The following MROH1 variants were observed in gnomAD, a reference collection of about 807,000 sequenced individuals.
MROH1 encodes maestro heat-like repeat-containing protein family member 1.
In MROH1, 117 loss-of-function variants were observed where a neutral mutation model predicts 116.5. That is an observed-to-expected ratio of 1.00 (90% CI 0.86 to 1.17). The LOEUF is 1.17. Among genes scored for constraint, MROH1 ranks in the 50% most tolerant of loss-of-function variants. The pLI, the probability that MROH1 is intolerant of heterozygous loss-of-function variation, is 0.00. For synonymous variants in MROH1, 921 were observed against 583.9 expected (o/e 1.58, Z -8.32); for missense variants, 1,873 against 1,338.5 (o/e 1.40, Z -6.23).
In MROH1 at chr8:144,195,230, C is replaced by T. The variant is rs1440515850; in HGVS notation, c.948+2829C>T. 9.2e-5 allele frequency among the ~76,000 whole-genome samples: 5 copies of T among 54,132 alleles called. No homozygotes were observed. In the South Asian group the frequency reaches 3.2e-3, roughly 35 times the overall value. The allele number at this position is 54,132 out of a possible 152,430, so 35.5% of individuals were successfully genotyped here. ...AAAAAAAAAAAAAAAGGCCGAGTGC[C>T]ATGGCTCATGCCTGTAATCCCAGCA... On this transcript the variant is annotated intron_variant, in intron 10 of 43. Transcript: ENST00000326134.
At position 144,240,600 on chromosome 8, in the gene MROH1, GAC is replaced by G. The variant is rs1156986931; in HGVS notation, c.1860_1861del (p.Asp620GlufsTer20). The part of the protein sequence containing the change: ...FLRDTLAIIS[D>X]NAWICQLSLE... The stretch of plus-strand genomic sequence containing the variant: ...GCGAGACACCCTGGCCATCATTTCT[GAC>G]AACGCGTGGATCTGCCAGCTGAGCC... On this transcript the variant is annotated frameshift_variant, in exon 20 of 44. Transcript: ENST00000326134. LOFTEE classifies it high-confidence loss of function. 1.4e-6 allele frequency: 1 copy of G among 717,366 alleles called. No individual in the cohort carries two copies. Among genetic ancestry groups the G allele is most frequent in the African/African-American group, 1.7e-5 (1 of 57,248 alleles). The allele number at this position is 717,366 out of a possible 1,614,324, so 44.4% of individuals were successfully genotyped here. A position where few individuals can be genotyped will look rare whatever the true frequency, so the allele number is the denominator to read the frequency against.
In MROH1 at chr8:144,260,847, G is replaced by C. The variant is rs1466756607; in HGVS notation, c.4536+15G>C. 1.3e-6 allele frequency: 1 copy of C among 777,764 alleles called. No individual in the cohort carries two copies. Among genetic ancestry groups the C allele is most frequent in the Non-Finnish European group, 2.4e-6 (1 of 417,740 alleles). The allele number at this position is 777,764 out of a possible 1,614,324, so 48.2% of individuals were successfully genotyped here. On this transcript the variant is annotated intron_variant, in intron 40 of 43. Transcript: ENST00000326134. ...CCGTGGCCAGCGTGAGTAGCCAGGG[G>C]GTGAGTGGGATGGGGTGGGTGGCCT...
intron 12 of MROH1, among the ~76,000 whole-genome samples, chr8:144,218,969 G>C (rs1446295560): frequency 2.1e-5 from 3 of 140,076 alleles, no homozygotes; most frequent in African/African-American, 8.2e-5. Context: ...CAAGTAGCTG[G>C]GACTATAGGT....
At chr8:144,255,758 G>A (rs1207015631) in intron 35 of MROH1, 53 bp downstream of exon 35, 4 of 708,174 alleles carry the variant, frequency 5.6e-6, no homozygotes, top group Admixed American at 2.0e-5. Context: ...GCACAGGCAT[G>A]CGTGTGCACG....
chr8:144,176,002 T>TC (rs1823810164), intron 4 of MROH1, among the ~76,000 whole-genome samples: 1 of 151,750 alleles, frequency 6.6e-6, no homozygotes. Context: ...TGAGCCGAGA[T>TC]CATAACACTG....
chr8:144,184,344 C>T (rs1021856988), intron 7 of MROH1, among the ~76,000 whole-genome samples: 3 of 152,144 alleles, frequency 2.0e-5, no homozygotes, highest in Non-Finnish European at 4.4e-5. Context: ...GGTCTCGGCT[C>T]TGGTGTGGGG....
rs1467302116 is a variant in MROH1, at chr8:144,163,192, G to A, written c.-56-579G>A. Among the ~76,000 whole-genome samples the A allele has an allele frequency of 2.6e-5, 4 of 152,190 alleles. No individual in the cohort carries two copies. The highest frequency in any genetic ancestry group is 9.7e-5 in the African/African-American group (4 of 41,434). On this transcript the variant is annotated intron_variant, in intron 2 of 43. Transcript: ENST00000326134. The surrounding 1 kb of genome is among the most constrained non-coding windows in gnomAD (Gnocchi z 4.4). ...CAAGGGAATTAAGGGGCTGGTGGGA[G>A]ACTCAGAGAACAGAGAATGTGAGTG...
intron 14 of MROH1, among the ~76,000 whole-genome samples, chr8:144,238,432 T>A (rs1840410060): frequency 6.6e-6 from 1 of 152,174 alleles, no homozygotes; most frequent in African/African-American, 2.4e-5. Flanking sequence ...AACCAGGTTT[T>A]CTGACATGGG....
At chr8:144,253,966 G>A (rs1043618450) in intron 33 of MROH1, among the ~76,000 whole-genome samples, 5 of 152,012 alleles carry the variant, frequency 3.3e-5, no homozygotes, top group Admixed American at 2.0e-4. Flanking sequence ...TCTGCCAGGC[G>A]GCTTCAGGGC....
In MROH1 at chr8:144,239,661, G is replaced by T; in HGVS notation, c.1680G>T (p.Ala560=). ...PYLGDGRGAA[A]LRLLSVLHPN... is the part of the protein sequence containing the mutation. Reference sequence around the variant, plus strand: ...TAGGGGACGGACGTGGGGCAGCGGCGCTGCGCCTCCTCAGTGTTCTGCACC... The same window carrying T: ...TAGGGGACGGACGTGGGGCAGCGGCTCTGCGCCTCCTCAGTGTTCTGCACC... Residue 560 remains alanine, a synonymous_variant, in exon 18 of 44, where the codon GCG becomes GCT. Transcript: ENST00000326134. The T allele has an allele frequency of 1.3e-6, 1 of 764,394 alleles. No individual in the cohort carries two copies. The highest frequency in any genetic ancestry group is 1.4e-5 in the South Asian group (1 of 71,816). The allele number at this position is 764,394 out of a possible 1,614,324, so 47.4% of individuals were successfully genotyped here. A position where few individuals can be genotyped will look rare whatever the true frequency, so the allele number is the denominator to read the frequency against.
At chr8:144,167,509 GT>G (rs1277434466) in intron 3 of MROH1, among the ~76,000 whole-genome samples, 6 of 137,646 alleles carry the variant, frequency 4.4e-5, no homozygotes, top group Non-Finnish European at 3.1e-5. Flanking sequence ...GTGGCCGGTT[GT>G]TGGGGTGGAG....
At chr8:144,243,981 G>A (rs1841438578) in intron 26 of MROH1, 39 bp downstream of exon 26, 20 of 770,382 alleles carry the variant, frequency 2.6e-5, no homozygotes, top group South Asian at 1.1e-4. Context: ...GTGCAGCTGC[G>A]TGTGTGCGTG....
At chr8:144,248,760 C>T in intron 31 of MROH1, 117 bp from the exon 32 acceptor site, 1 of 705,136 alleles carries the variant, frequency 1.4e-6, no homozygotes, top group South Asian at 1.5e-5. Flanking sequence ...TGGGGCCCGG[C>T]TGCAAGAAGG....
intron 13 of MROH1, among the ~76,000 whole-genome samples, 174 bp from the exon 14 acceptor site, chr8:144,222,934 G>A (rs1395541933): frequency 6.6e-6 from 1 of 151,962 alleles, no homozygotes; most frequent in Non-Finnish European, 1.5e-5. Flanking sequence ...AGGTACAGGT[G>A]TGGATTCAGG....
intron 4 of MROH1, among the ~76,000 whole-genome samples, chr8:144,173,196 TG>T (rs1822935879): frequency 6.7e-6 from 1 of 149,968 alleles, no homozygotes; most frequent in East Asian, 2.0e-4. Flanking sequence ...CTCTACCTCC[TG>T]GGTCAAGCAA....
In MROH1 at chr8:144,163,738, A is replaced by G. The variant is rs903940623; in HGVS notation, c.-56-33A>G. On this transcript the variant is annotated intron_variant, in intron 2 of 43. Coordinates refer to ENST00000326134, the MANE Select transcript of MROH1 (RefSeq NM_032450.3). The surrounding 1 kb of genome is among the most constrained non-coding windows in gnomAD (Gnocchi z 4.4). ...GTGAACTCAGATATCGTAGAGGCTT[A>G]TGAATTAAATCTTGTGATTTTGGTT... The G allele has an allele frequency of 2.2e-6, 3 of 1,386,658 alleles. No homozygotes were observed. The highest frequency in any genetic ancestry group is 2.0e-6 in the Non-Finnish European group (2 of 982,638). 85.9% of individuals were successfully genotyped at this position (1,386,658 alleles called of 1,614,324 possible). A position where few individuals can be genotyped will look rare whatever the true frequency, so the allele number is the denominator to read the frequency against.
intron 4 of MROH1, among the ~76,000 whole-genome samples, chr8:144,177,329 A>T (rs1278428142): frequency 6.6e-6 from 1 of 152,214 alleles, no homozygotes; most frequent in Non-Finnish European, 1.5e-5. Flanking sequence ...CTGCCCCGTC[A>T]CTGGCACTGC....
chr8:144,240,826 A>T (rs2132901228), intron 20 of MROH1, 149 bp downstream of exon 20: 1 of 677,558 alleles, frequency 1.5e-6, no homozygotes, highest in East Asian at 2.7e-5. Context: ...GGAGTGCGAG[A>T]GCCCACCGGC....
chr8:144,197,746 C>G (rs913379071), intron 10 of MROH1, among the ~76,000 whole-genome samples: 1 of 146,428 alleles, frequency 6.8e-6, no homozygotes, highest in Non-Finnish European at 1.5e-5. Context: ...ACTGCAGCAT[C>G]TTTTATGATC....
Sources: allele counts gnomAD v4.1 joint callset (sites outside exome capture counted in the v4.1 genomes callset), GRCh38; gene constraint gnomAD v4.1.1; non-coding constraint Gnocchi (gnomAD v3.1); transcripts MANE v1.5; gene names NCBI Gene and HGNC (gene_info 2026-07-23, HGNC 2026-07-21).